GRM7: variants seen among roughly 807,000 people sequenced by gnomAD.
GRM7 encodes metabotropic glutamate receptor 7.
Under a neutral mutation model 84.5 loss-of-function variants are expected in GRM7, and 35 were observed. That is an observed-to-expected ratio of 0.41 (90% CI 0.32 to 0.55). The LOEUF (loss-of-function observed/expected upper bound fraction) is 0.55. Among genes scored for constraint, GRM7 ranks in the 20% least tolerant of loss-of-function variants. The probability of loss-of-function intolerance (pLI) is 0.19; values close to 1 mark genes in which losing one functional copy is unlikely to be tolerated. For missense variants in GRM7, 1,003 were observed against 1,194.6 expected (o/e 0.84, Z 2.36); for synonymous variants, 487 against 455.1 (o/e 1.07, Z -0.89).
chr3:6,995,354 T>G (rs1408119254), intron 1 of GRM7, among the ~76,000 whole-genome samples: 1 of 152,218 alleles, frequency 6.6e-6, no homozygotes, highest in African/African-American at 2.4e-5. Context: ...TTAATGGACA[T>G]GTCTGTGTTG....
chr3:7,377,424 A>G (rs73115525), intron 4 of GRM7, among the ~76,000 whole-genome samples: 1 of 152,192 alleles, frequency 6.6e-6, no homozygotes, highest in Admixed American at 6.5e-5. Context: ...AAGTGAGAGC[A>G]TTGTTCTTCT....
At chr3:7,569,480 C>G (rs1399178928) in intron 7 of GRM7, among the ~76,000 whole-genome samples, 1 of 152,156 alleles carries the variant, frequency 6.6e-6, no homozygotes, top group Admixed American at 6.5e-5. Flanking sequence ...CCACTGGGCT[C>G]TCTGTAAAAT....
chr3:7,311,347 C>T (rs1354060814), intron 4 of GRM7, among the ~76,000 whole-genome samples: 1 of 152,108 alleles, frequency 6.6e-6, no homozygotes, highest in African/African-American at 2.4e-5. Context: ...AGGCCAGCAT[C>T]CACTGGACTC....
intron 7 of GRM7, among the ~76,000 whole-genome samples, chr3:7,489,967 T>C (rs1236477702): frequency 6.6e-6 from 1 of 151,740 alleles, no homozygotes; most frequent in Non-Finnish European, 1.5e-5. Context: ...AATTAAAATA[T>C]GTATATACCC....
chr3:7,245,034 C>A (rs1306646607), intron 2 of GRM7, among the ~76,000 whole-genome samples: 2 of 151,804 alleles, frequency 1.3e-5, no homozygotes, highest in African/African-American at 4.8e-5. Flanking sequence ...TATTTAATGT[C>A]ATAAATTTAT....
chr3:7,430,760 G>A (rs1409777948), intron 5 of GRM7, among the ~76,000 whole-genome samples: 4 of 152,152 alleles, frequency 2.6e-5, no homozygotes, highest in African/African-American at 4.8e-5. Flanking sequence ...TTATCTTTTC[G>A]AGATGTTTCT....
In GRM7 at chr3:7,041,032, A is replaced by G. The variant is rs953446521; in HGVS notation, c.520-105420A>G. Among the ~76,000 whole-genome samples, 3 of 150,292 alleles carry G rather than the reference A, an allele frequency of 2.0e-5. No homozygotes were observed. In the South Asian group the frequency reaches 6.3e-4, roughly 32 times the overall value. ...TGGGAGGTTAAGGCTGCAAGCCATG[A>G]TCGTGCCACTGCACTCCAGCCTGGG... On this transcript the variant is annotated intron_variant, in intron 1 of 9. Transcript: ENST00000357716.
At chr3:7,110,951 C>T (rs539162558) in intron 1 of GRM7, among the ~76,000 whole-genome samples, 6 of 152,106 alleles carry the variant, frequency 3.9e-5, no homozygotes, top group East Asian at 1.9e-4. Flanking sequence ...AGTTGAAGTA[C>T]AGGTTGTGAG....
At chr3:7,029,301 C>CAAAAAAAAAA (rs57622634) in intron 1 of GRM7, among the ~76,000 whole-genome samples, 6 of 55,208 alleles carry the variant, frequency 1.1e-4, no homozygotes, top group African/African-American at 2.5e-4. Context: ...GACTCTGCCT[C>CAAAAAAAAAA]AAAAAAAAAA....
intron 4 of GRM7, among the ~76,000 whole-genome samples, chr3:7,374,690 C>T (rs1459553947): frequency 1.3e-5 from 2 of 149,688 alleles, no homozygotes; most frequent in Admixed American, 6.7e-5. Context: ...AGGGTTTCAC[C>T]ATGTTGGCCA....
intron 7 of GRM7, among the ~76,000 whole-genome samples, chr3:7,527,297 G>T (rs531841450): frequency 6.6e-6 from 1 of 151,968 alleles, no homozygotes; most frequent in Non-Finnish European, 1.5e-5. Context: ...TTGTAAATGG[G>T]ATTATATTCT....
intron 8 of GRM7, among the ~76,000 whole-genome samples, chr3:7,646,273 C>T (rs1370926898): frequency 6.6e-6 from 1 of 152,156 alleles, no homozygotes; most frequent in Admixed American, 6.5e-5. Context: ...CTCACTGCAG[C>T]CTCTGCCTCC....
chr3:6,977,921 C>T (rs1694060616), intron 1 of GRM7, among the ~76,000 whole-genome samples: 1 of 151,978 alleles, frequency 6.6e-6, no homozygotes, highest in African/African-American at 2.4e-5. Flanking sequence ...TCTGTTTTTG[C>T]CCTATGTTAA....
rs148948847 is a variant in GRM7 at position 7,428,996 on chromosome 3, G to T, written c.1174+13833G>T. 1.3e-3 allele frequency among the ~76,000 whole-genome samples: 196 copies of T among 152,196 alleles called. 1 individual carries two copies. Among genetic ancestry groups the T allele is most frequent in the African/African-American group, 4.5e-3 (188 of 41,536 alleles). On this transcript the variant is annotated intron_variant, in intron 5 of 9. Transcript: ENST00000357716. ...AGCTCTTGCTTCTTCTTTTTGAGGG[G>T]AATTGCTTTCTTGGGATGCATTTCT... is the stretch of plus-strand genomic sequence containing the variant.
intron 1 of GRM7, among the ~76,000 whole-genome samples, chr3:7,124,318 C>T (rs150748400): frequency 1.8e-3 from 278 of 152,252 alleles, no homozygotes; most frequent in African/African-American, 6.2e-3. Context: ...AGAGCGGGTC[C>T]TTTTATCTCA....
chr3:7,072,875 T>G (rs985205745), intron 1 of GRM7, among the ~76,000 whole-genome samples: 5 of 152,180 alleles, frequency 3.3e-5, no homozygotes, highest in Non-Finnish European at 2.9e-5. Flanking sequence ...CTGCTGTCTT[T>G]CTGAATCATA....
intron 1 of GRM7, among the ~76,000 whole-genome samples, chr3:7,090,597 A>G (rs1038085640): frequency 6.6e-6 from 1 of 152,240 alleles, no homozygotes; most frequent in African/African-American, 2.4e-5. Flanking sequence ...TAAAATGTCA[A>G]TAGACAAAAC....
At chr3:7,067,217 G>A (rs918246793) in intron 1 of GRM7, among the ~76,000 whole-genome samples, 1 of 151,962 alleles carries the variant, frequency 6.6e-6, no homozygotes, top group African/African-American at 2.4e-5. Flanking sequence ...AATTGGTAAA[G>A]GGGAAGTCAA....
intron 2 of GRM7, among the ~76,000 whole-genome samples, chr3:7,204,326 A>G (rs1250231143): frequency 1.3e-5 from 2 of 152,232 alleles, no homozygotes; most frequent in Admixed American, 1.3e-4. Context: ...TATCTCTTCC[A>G]GACATTCTCT....
Sources: gnomAD v4.1 joint callset for allele counts (sites outside exome capture counted in the v4.1 genomes callset) on GRCh38, gnomAD v4.1.1 for gene constraint, MANE v1.5 for transcripts, NCBI Gene and HGNC (gene_info 2026-07-23, HGNC 2026-07-21) for gene names.